The following TLE4 variants were observed in gnomAD, a reference collection of about 807,000 sequenced individuals.
TLE4 encodes the protein transducin-like enhancer protein 4.
Under a neutral mutation model 92.8 loss-of-function variants are expected in TLE4, and 8 were observed. That is an observed-to-expected ratio of 0.09 (90% CI 0.05 to 0.16). The LOEUF (loss-of-function observed/expected upper bound fraction) is 0.16, where lower values mean the gene tolerates loss of function less well. TLE4 is among the 10% of genes least tolerant of loss of function. TLE4 has a pLI of 1.00. For synonymous variants in TLE4, 371 were observed against 374.1 expected, an observed-to-expected ratio of 0.99 and a Z score of 0.10; for missense variants, 675 against 997.6, an observed-to-expected ratio of 0.68 and a Z score of 4.36.
intron 4 of TLE4, among the ~76,000 whole-genome samples, chr9:79,595,626 A>C (rs2043762840): frequency 6.6e-6 from 1 of 152,126 alleles, no homozygotes; most frequent in African/African-American, 2.4e-5. Context: ...GTAAATTTAA[A>C]GGCAAGTTAG....
At chr9:79,722,398 A>G in intron 17 of TLE4, 53 bp from the exon 18 acceptor site, 2 of 1,592,538 alleles carry the variant, frequency 1.3e-6, no homozygotes, top group Non-Finnish European at 1.7e-6. Flanking sequence ...CCTCCCAGAT[A>G]AAAGAAGCGT....
intron 16 of TLE4, among the ~76,000 whole-genome samples, chr9:79,721,204 G>A (rs965177680): frequency 6.6e-6 from 1 of 152,178 alleles, no homozygotes; most frequent in Non-Finnish European, 1.5e-5. Flanking sequence ...TTTGCCATGA[G>A]TGATTCCTGG....
At position 79,690,576 on chromosome 9, in the gene TLE4, T is replaced by C. The variant is rs115512930; in HGVS notation, c.610-14207T>C. ...TTGCAGTCCCTTGATTCCCTAAGGA[T>C]AGGAATATTCTTTTAGGTTACCTAA... is the stretch of plus-strand genomic sequence containing the variant. On this transcript the variant is annotated intron_variant, in intron 8 of 19. Transcript: ENST00000376552. Among the ~76,000 whole-genome samples, 818 of 152,132 alleles carry C rather than the reference T, an allele frequency of 5.4e-3. 2 individuals are homozygous for C. Among genetic ancestry groups the C allele is most frequent in the Middle Eastern group, 0.017 (5 of 294 alleles).
At chr9:79,669,703 C>G (rs1157722768) in intron 8 of TLE4, among the ~76,000 whole-genome samples, 1 of 152,080 alleles carries the variant, frequency 6.6e-6, no homozygotes. Context: ...TGGATTATAC[C>G]TTTGTGTAAT....
chr9:79,683,483 A>G (rs1658024545), intron 8 of TLE4, among the ~76,000 whole-genome samples: 1 of 152,196 alleles, frequency 6.6e-6, no homozygotes. Context: ...CAAAGGCACC[A>G]TTACTCTGGT....
At chr9:79,637,881 T>C (rs997204667) in intron 6 of TLE4, among the ~76,000 whole-genome samples, 7 of 151,994 alleles carry the variant, frequency 4.6e-5, no homozygotes, top group Non-Finnish European at 7.4e-5. Flanking sequence ...GAGGAGTATG[T>C]ATAGTTTTTG....
At chr9:79,599,057 C>A (rs1014692550) in intron 4 of TLE4, among the ~76,000 whole-genome samples, 1 of 152,144 alleles carries the variant, frequency 6.6e-6, no homozygotes, top group Non-Finnish European at 1.5e-5. Context: ...GGTTATAAAT[C>A]TCTTCTTTCC....
rs757968500 is a variant in TLE4, at chr9:79,709,699, C to CGT, written c.1340+2_1340+3dup. 1 of 1,613,928 alleles carries CGT rather than the reference C, an allele frequency of 6.2e-7. No individual in the cohort carries two copies. Among genetic ancestry groups the CGT allele is most frequent in the Non-Finnish European group, 8.5e-7 (1 of 1,179,908 alleles). ...CTGACAGGCATTCCAGGAGGAAAAC[C>CGT]GTGAGTACCTTTTTGCCTCTGTGCT... On this transcript the variant is annotated frameshift_variant and splice_region_variant. Coordinates refer to ENST00000376552, the MANE Select transcript of TLE4 (RefSeq NM_007005.6). LOFTEE classifies it high-confidence loss of function.
At chr9:79,573,468 G>A (rs2036553019) in intron 1 of TLE4, 2 of 1,041,412 alleles carry the variant, frequency 1.9e-6, no homozygotes, top group Admixed American at 4.2e-5. Flanking sequence ...GGGGCGCGGG[G>A]GCCTGCGGGC....
intron 8 of TLE4, among the ~76,000 whole-genome samples, chr9:79,669,397 G>T (rs1262638522): frequency 2.0e-5 from 3 of 152,186 alleles, no homozygotes; most frequent in Non-Finnish European, 4.4e-5. Flanking sequence ...AAAAAACATG[G>T]GCAAGAATAG....
At chr9:79,677,495 T>G (rs933896985) in intron 8 of TLE4, among the ~76,000 whole-genome samples, 1 of 152,242 alleles carries the variant, frequency 6.6e-6, no homozygotes, top group East Asian at 1.9e-4. Context: ...CTCTACTTAG[T>G]TGAAAGTATT....
At chr9:79,685,403 C>G (rs1417501113) in intron 8 of TLE4, among the ~76,000 whole-genome samples, 1 of 152,022 alleles carries the variant, frequency 6.6e-6, no homozygotes, top group East Asian at 1.9e-4. Flanking sequence ...TTTAAAAACC[C>G]CTCACATGAT....
chr9:79,621,742 T>G (rs1386167540), intron 5 of TLE4, among the ~76,000 whole-genome samples: 2 of 152,092 alleles, frequency 1.3e-5, no homozygotes, highest in African/African-American at 4.8e-5. Flanking sequence ...TTTTGTTGAT[T>G]GGTTGGTTGG....
In TLE4 at chr9:79,722,589, T is replaced by A. The variant is rs1187778991; in HGVS notation, c.2125T>A (p.Phe709Ile). The A allele has an allele frequency of 6.2e-7, 1 of 1,614,030 alleles. No individual in the cohort carries two copies. The highest frequency in any genetic ancestry group is 8.5e-7 in the Non-Finnish European group (1 of 1,179,994). ...TGAGAGCTGTGTGCTGTCGCTCAAG[T>A]TTGCCCATTGTGGTAAGCAAGCACC... Reference protein sequence around the residue: ...LHESCVLSLKFAHCGKWFVST... With the variant: ...LHESCVLSLKIAHCGKWFVST... The change falls in exon 18 of 20, where the codon TTT becomes ATT. Residue 709 changes from phenylalanine (F) to isoleucine (I), a missense_variant. Phe to Ile is a conservative substitution (Grantham distance 21). Transcript: ENST00000376552.
intron 6 of TLE4, among the ~76,000 whole-genome samples, chr9:79,635,195 T>A (rs1369500313): frequency 6.6e-6 from 1 of 152,184 alleles, no homozygotes; most frequent in Non-Finnish European, 1.5e-5. Flanking sequence ...TAGTACTTAC[T>A]GTGTTTTTTA....
chr9:79,637,010 T>C (rs1231910313), intron 6 of TLE4, among the ~76,000 whole-genome samples: 3 of 118,838 alleles, frequency 2.5e-5, no homozygotes, highest in Non-Finnish European at 5.1e-5. Flanking sequence ...GTAGAAAATA[T>C]ACAGTTCTGG....
intron 8 of TLE4, among the ~76,000 whole-genome samples, chr9:79,664,549 G>T (rs2061069567): frequency 6.6e-6 from 1 of 152,164 alleles, no homozygotes; most frequent in South Asian, 2.1e-4. Context: ...AACCTAGTCT[G>T]ACCTTATTTA....
chr9:79,673,731 G>T (rs2062793731), intron 8 of TLE4, among the ~76,000 whole-genome samples: 1 of 152,096 alleles, frequency 6.6e-6, no homozygotes, highest in African/African-American at 2.4e-5. Flanking sequence ...TGAAGTAGTA[G>T]CATAATTTAC....
intron 8 of TLE4, among the ~76,000 whole-genome samples, chr9:79,680,203 T>G (rs2064216578): frequency 6.6e-6 from 1 of 151,382 alleles, no homozygotes; most frequent in Admixed American, 6.6e-5. Flanking sequence ...TAAATTACCT[T>G]GGGCAGTATG....
Sources: gnomAD v4.1 joint callset for allele counts (sites outside exome capture counted in the v4.1 genomes callset) on GRCh38, gnomAD v4.1.1 for gene constraint, MANE v1.5 for transcripts, NCBI Gene and HGNC (gene_info 2026-07-23, HGNC 2026-07-21) for gene names.